GPRC5C: variants seen among roughly 807,000 people sequenced by gnomAD.
The protein encoded by GPRC5C is G protein-coupled receptor class C group 5 member C, also known as G protein-coupled receptor family C group 5 member C.
In GPRC5C, 22 loss-of-function variants were observed where a neutral mutation model predicts 31.4. The ratio of observed to expected loss-of-function variants is 0.70; its 90% CI spans 0.50 to 1.00. GPRC5C has a LOEUF of 1.00. GPRC5C is among the 50% of genes least tolerant of loss of function. The pLI is 0.00. For synonymous variants in GPRC5C, 249 were observed against 257.5 expected (o/e 0.97, Z 0.32); for missense variants, 557 against 597.2 (o/e 0.93, Z 0.70).
At chr17:74,443,551 G>A (rs1009882210) in intron 2 of GPRC5C, 1 of 614,982 alleles carries the variant, frequency 1.6e-6, no homozygotes, top group Non-Finnish European at 3.0e-6. Context: ...TGTTGGGTCA[G>A]GGGCTGGGGT....
In GPRC5C at chr17:74,440,132, G is replaced by T; in HGVS notation, c.356G>T (p.Arg119Leu). 6.2e-7 allele frequency: 1 copy of T among 1,614,088 alleles called. No individual in the cohort carries two copies. Among genetic ancestry groups the T allele is most frequent in the East Asian group, 2.2e-5 (1 of 44,872 alleles). Residue 119 changes from arginine to leucine, a missense_variant, in exon 2 of 4, where the codon CGG (arginine) becomes CTG (leucine). Transcript: ENST00000392627. This position sits in a 1 kb window ranked among gnomAD's most constrained non-coding sequence, Gnocchi z 4.4. Reference protein sequence around the residue: ...VKPDFSTCASRRFLFGVLFAI... With the variant: ...VKPDFSTCASLRFLFGVLFAI... The stretch of plus-strand genomic sequence containing the variant: ...CCCGACTTCTCCACCTGTGCCTCTC[G>T]GCGCTTCCTCTTTGGGGTTCTGTTC...
At chr17:74,435,882 C>A (rs1433692052) in intron 1 of GPRC5C, among the ~76,000 whole-genome samples, 1 of 152,212 alleles carries the variant, frequency 6.6e-6, no homozygotes, top group Middle Eastern at 3.2e-3. Flanking sequence ...CTTTAGTATC[C>A]TTTTCCCCCA....
chr17:74,438,252 T>TTG (rs2055471339), intron 1 of GPRC5C, among the ~76,000 whole-genome samples: 13 of 107,682 alleles, frequency 1.2e-4, no homozygotes, highest in Admixed American at 3.6e-4. Context: ...TATATATATA[T>TTG]TTGTTGTTGT....
chr17:74,441,449 A>G (rs2055538456), intron 2 of GPRC5C, among the ~76,000 whole-genome samples: 1 of 152,128 alleles, frequency 6.6e-6, no homozygotes, highest in African/African-American at 2.4e-5. Flanking sequence ...GACTGATATA[A>G]TATCTATGTG....
chr17:74,440,800 G>C lies in GPRC5C; in HGVS notation c.1024G>C (p.Ala342Pro), dbSNP rs1161562087. Reference sequence around the variant, plus strand: ...TCAGAGCATGTTCGTGGAGAACAAGGCCTTTTCCATGGATGAGCCGGTTGC... The same window carrying C: ...TCAGAGCATGTTCGTGGAGAACAAGCCCTTTTCCATGGATGAGCCGGTTGC... ...KGQSMFVENKAFSMDEPVAAK... is the reference protein window; with the variant it reads ...KGQSMFVENKPFSMDEPVAAK... The change falls in exon 2 of 4, where the codon GCC becomes CCC. Residue 342 changes from alanine (A) to proline (P), a missense_variant. By Grantham distance (27) the Ala-to-Pro change is conservative (BLOSUM62 -1). Transcript: ENST00000392627. The surrounding 1 kb of genome is among the most constrained non-coding windows in gnomAD (Gnocchi z 4.4). The C allele has an allele frequency of 2.0e-6, 3 of 1,509,108 alleles. No individual in the cohort carries two copies. Among genetic ancestry groups the C allele is most frequent in the Non-Finnish European group, 2.7e-6 (3 of 1,122,682 alleles). The allele number at this position is 1,509,108 out of a possible 1,614,324, so 93.5% of individuals were successfully genotyped here.
intron 3 of GPRC5C, chr17:74,445,980 G>C: frequency 2.3e-5 from 1 of 42,734 alleles, no homozygotes; most frequent in East Asian, 1.0e-3. Context: ...GCAACGTAGT[G>C]AGACCCCCCC....
intron 2 of GPRC5C, chr17:74,442,948 C>G (rs1244087623): frequency 6.6e-6 from 1 of 151,784 alleles, no homozygotes; most frequent in Non-Finnish European, 1.5e-5. Flanking sequence ...GGTTCTCAAC[C>G]TTGGGGCTGA....
At chr17:74,447,919 G>A (rs2055667146), downstream of GPRC5C, among the ~76,000 whole-genome samples, 1 of 152,226 alleles carries the variant, frequency 6.6e-6, no homozygotes, top group African/African-American at 2.4e-5. Flanking sequence ...CAAAGGAATG[G>A]CCTAGAGAGG....
downstream of GPRC5C, among the ~76,000 whole-genome samples, chr17:74,447,665 G>A (rs1041492006): frequency 3.3e-5 from 5 of 152,214 alleles, no homozygotes; most frequent in East Asian, 1.9e-4. Flanking sequence ...GGCTCAGTGC[G>A]TGCCTAGGAT....
At chr17:74,439,573 C>T (rs2055493010) in intron 1 of GPRC5C, among the ~76,000 whole-genome samples, 172 bp from the exon 2 acceptor site, 1 of 152,218 alleles carries the variant, frequency 6.6e-6, no homozygotes, top group Admixed American at 6.5e-5. Context: ...CCTCTGTGGC[C>T]AGTTGAAATG....
downstream of GPRC5C, chr17:74,449,771 C>T (rs114356302): frequency 4.9e-3 from 875 of 176,800 alleles, 11 homozygotes; most frequent in African/African-American, 0.02. Flanking sequence ...ACCTTCCTGG[C>T]CCTGCCATCT....
downstream of GPRC5C, among the ~76,000 whole-genome samples, chr17:74,447,773 GC>G (rs3215219): frequency 0.86 from 130,197 of 152,132 alleles, 55,997 homozygotes; most frequent in Admixed American, 0.91. Context: ...TGAGCCTTGA[GC>G]CAGGTGGCTC....
intron 1 of GPRC5C, among the ~76,000 whole-genome samples, chr17:74,438,470 G>A (rs4351086): frequency 0.2 from 29,835 of 151,144 alleles, 7,076 homozygotes; most frequent in African/African-American, 0.57. Flanking sequence ...CATTTTGGCC[G>A]GGCTGGTCTC....
rs148786872 is a variant in GPRC5C, at chr17:74,439,815, G to A, written c.39G>A (p.Leu13=). 1.9e-6 allele frequency: 3 copies of A among 1,613,428 alleles called. No individual in the cohort carries two copies. The African/African-American group carries it at 4.0e-5, about 22-fold the overall frequency. The change falls in exon 2 of 4, where the codon CTG becomes CTA. Residue 13 remains leucine, a synonymous_variant. Transcript: ENST00000392627. ...IHKALVMCLG[L]PLFLFPGAWA... ...AAGCCTTGGTGATGTGCCTGGGACT[G>A]CCTCTCTTCCTGTTCCCAGGGGCCT... is the stretch of plus-strand genomic sequence containing the variant.
chr17:74,443,887 A>T lies in GPRC5C; in HGVS notation c.1121A>T (p.Glu374Val), dbSNP rs1016227924. ...QLLTSVYQPT[E>V]MALMHKVPSE... ...CTGACCAGTGTGTACCAGCCCACTG[A>T]GATGGCCCTGATGCACAAAGTTCCG... Residue 374 changes from glutamate (E) to valine (V), a missense_variant, in exon 3 of 4, where the codon GAG (glutamate) becomes GTG (valine). By Grantham distance (121) the Glu-to-Val change is moderately radical. Transcript: ENST00000392627. 3.1e-6 allele frequency: 5 copies of T among 1,612,554 alleles called. No homozygotes were observed. The highest frequency in any genetic ancestry group is 4.2e-6 in the Non-Finnish European group (5 of 1,178,708).
intron 2 of GPRC5C, chr17:74,443,099 C>CCGTCCT (rs2055568920): frequency 6.4e-6 from 1 of 156,772 alleles, no homozygotes; most frequent in Non-Finnish European, 1.4e-5. Context: ...GTCCGCTGTG[C>CCGTCCT]CGTCCTCACA....
intron 3 of GPRC5C, chr17:74,446,504 C>T (rs534942046): frequency 4.7e-6 from 1 of 212,104 alleles, no homozygotes; most frequent in South Asian, 1.7e-4. Context: ...CTATGTCAGA[C>T]AGGTAGTAGC....
intron 1 of GPRC5C, among the ~76,000 whole-genome samples, chr17:74,432,961 C>T (rs958939093): frequency 6.6e-6 from 1 of 152,006 alleles, no homozygotes; most frequent in African/African-American, 2.4e-5. Flanking sequence ...GTACCGTCGA[C>T]CCAAGTAGGG....
chr17:74,435,402 C>G (rs1329386140), intron 1 of GPRC5C, among the ~76,000 whole-genome samples: 2 of 152,194 alleles, frequency 1.3e-5, no homozygotes, highest in Admixed American at 1.3e-4. Flanking sequence ...TCCCACCTGC[C>G]CTTCCATTTC....
Sources: gnomAD v4.1 joint callset for allele counts (sites outside exome capture counted in the v4.1 genomes callset) on GRCh38, gnomAD v4.1.1 for gene constraint, Gnocchi (gnomAD v3.1) non-coding constraint, MANE v1.5 for transcripts, NCBI Gene and HGNC (gene_info 2026-07-23, HGNC 2026-07-21) for gene names.